BDP1: variants seen among roughly 807,000 people sequenced by gnomAD.
BDP1 encodes the protein transcription factor TFIIIB component B'' homolog.
Under a neutral mutation model 266.6 loss-of-function variants are expected in BDP1, and 169 were observed. That is an observed-to-expected ratio of 0.63 (90% CI 0.56 to 0.72). The LOEUF is 0.72. BDP1 is among the 30% of genes least tolerant of loss of function. The pLI is 0.00. For synonymous variants in BDP1, 1,090 were observed against 1,022.4 expected (o/e 1.07, Z -1.26); for missense variants, 3,015 against 3,053.8 (o/e 0.99, Z 0.30).
chr5:71,541,544 A>C lies in BDP1; in HGVS notation c.6113A>C (p.Glu2038Ala), dbSNP rs1766969740. The change falls in exon 29 of 39, where the codon GAA becomes GCA. Residue 2038 changes from glutamate (E) to alanine (A), a missense_variant. Physicochemically the swap from Glu to Ala is moderately radical, Grantham distance 107. Coordinates refer to ENST00000358731, the MANE Select transcript of BDP1 (RefSeq NM_018429.3). ...LDNVNHKIVH[E>A]CQELSSPVIT... ...AATGTAAATCACAAAATTGTTCATG[A>C]ATGTCAGGAACTTTCTTCACCTGTC... The C allele has an allele frequency of 6.2e-7, 1 of 1,612,234 alleles. No homozygotes were observed. Among genetic ancestry groups the C allele is most frequent in the Non-Finnish European group, 8.5e-7 (1 of 1,178,754 alleles).
chr5:71,489,739 A>G, intron 10 of BDP1, 57 bp downstream of exon 10: 12 of 1,451,802 alleles, frequency 8.3e-6, no homozygotes, highest in Non-Finnish European at 1.1e-5. Flanking sequence ...CATGTACAGT[A>G]ATATGGTATG....
intron 2 of BDP1, among the ~76,000 whole-genome samples, chr5:71,461,532 T>C (rs998494407): frequency 6.6e-6 from 1 of 152,044 alleles, no homozygotes; most frequent in African/African-American, 2.4e-5. Flanking sequence ...GAGGACTGCT[T>C]GAGCTCAGGA....
chr5:71,490,399 A>G lies in BDP1; in HGVS notation c.1493-585A>G, dbSNP rs575822410. 2.0e-5 allele frequency among the ~76,000 whole-genome samples: 3 copies of G among 152,278 alleles called. No homozygotes were observed. In the South Asian group the frequency reaches 6.2e-4, roughly 32 times the overall value. Reference sequence around the variant, plus strand: ...TTGGCTTATTGGAGTCATTACGTATAATGCAGAACAGCTTAATGATTCACA... The same window carrying G: ...TTGGCTTATTGGAGTCATTACGTATGATGCAGAACAGCTTAATGATTCACA... On this transcript the variant is annotated intron_variant, in intron 10 of 38. Transcript: ENST00000358731.
intron 25 of BDP1, among the ~76,000 whole-genome samples, chr5:71,526,694 T>G (rs1405109682): frequency 6.7e-6 from 1 of 150,270 alleles, no homozygotes; most frequent in Non-Finnish European, 1.5e-5. Context: ...TGTTTTTTTT[T>G]TTTTTTTTTT....
the BDP1 span, among the ~76,000 whole-genome samples, chr5:71,575,592 C>CAAA: frequency 6.6e-6 from 1 of 152,176 alleles, no homozygotes; most frequent in Non-Finnish European, 1.5e-5. Context: ...TTTACCATCT[C>CAAA]CAGCGGCTAT....
chr5:71,470,910 G>T (rs1259217345), intron 7 of BDP1, among the ~76,000 whole-genome samples: 1 of 149,456 alleles, frequency 6.7e-6, no homozygotes, highest in Non-Finnish European at 1.5e-5. Flanking sequence ...TTTTTAAACT[G>T]TTATGATGGT....
At chr5:71,562,226 A>AATTTT in intron 37 of BDP1, 48 bp from the exon 38 acceptor site, 39 of 981,610 alleles carry the variant, frequency 4.0e-5, no homozygotes, top group Non-Finnish European at 5.5e-5. Context: ...AAAAAAAAGA[A>AATTTT]TGTGTCTTCC....
downstream of BDP1, among the ~76,000 whole-genome samples, chr5:71,568,126 CAGA>C (rs1360119048): frequency 1.3e-5 from 2 of 152,166 alleles, no homozygotes; most frequent in Non-Finnish European, 1.5e-5. Flanking sequence ...GCCTGGATGA[CAGA>C]AGAAGACCCT....
chr5:71,553,168 T>C lies in BDP1; in HGVS notation c.7048T>C (p.Ser2350Pro). The change falls in exon 35 of 39, where the codon TCT (serine) becomes CCT (proline). Residue 2350 changes from serine (S) to proline (P), a missense_variant. By Grantham distance (74) the Ser-to-Pro change is moderately conservative. Around this residue, in one of 3 missense-constraint regions of BDP1, gnomAD observed 629 missense variants for 632.5 expected, o/e 0.99. Coordinates refer to ENST00000358731, the MANE Select transcript of BDP1 (RefSeq NM_018429.3). ...TCAAGATGCCATGGGTTTATCTATT[T>C]CTGGAAGAGATAATTCTAAAAAGCC... ...VGQDAMGLSI[S>P]GRDNSKKPPD... The C allele has an allele frequency of 6.2e-7, 1 of 1,613,266 alleles. No individual in the cohort carries two copies. Among genetic ancestry groups the C allele is most frequent in the African/African-American group, 1.3e-5 (1 of 75,026 alleles).
Position 71,486,544 on chromosome 5 carries a change from AAGAAG to A in BDP1, c.1135_1139del (p.Glu379LysfsTer7), listed in dbSNP as rs763504233. On this transcript the variant is annotated frameshift_variant, in exon 9 of 39. Transcript: ENST00000358731. LOFTEE classifies it high-confidence loss of function. ...CATTTGCTTCAGAAAGTTCTTGCTG[AAGAAG>A]AGAAAAGAAAACAAAAATCTGTTAA... is the stretch of plus-strand genomic sequence containing the variant. The A allele has an allele frequency of 1.9e-6, 3 of 1,541,690 alleles. No homozygotes were observed. Among genetic ancestry groups the A allele is most frequent in the Non-Finnish European group, 2.6e-6 (3 of 1,157,090 alleles).
intron 9 of BDP1, among the ~76,000 whole-genome samples, chr5:71,489,166 C>G (rs1381306021): frequency 2.0e-5 from 3 of 152,014 alleles, no homozygotes; most frequent in Non-Finnish European, 4.4e-5. Flanking sequence ...TTTTTAAATG[C>G]AACAATATGC....
chr5:71,457,437 T>C (rs1325764487), intron 1 of BDP1, among the ~76,000 whole-genome samples: 1 of 151,506 alleles, frequency 6.6e-6, no homozygotes, highest in East Asian at 1.9e-4. Context: ...TGTCTCAGGC[T>C]CCCAAGTATC....
At position 71,544,466 on chromosome 5, in the gene BDP1, C is replaced by T; in HGVS notation, c.6522C>T (p.Ile2174=). The stretch of plus-strand genomic sequence containing the variant: ...GCAAATTGGCATGTGTACATGGTAT[C>T]AAAGGGACCAGTATTTCTTCAGAAG... ...DQSKLACVHG[I]KGTSISSEVN... Residue 2174 remains isoleucine, a synonymous_variant, in exon 31 of 39, where the codon ATC becomes ATT. Coordinates refer to ENST00000358731, the MANE Select transcript of BDP1 (RefSeq NM_018429.3). The T allele has an allele frequency of 1.2e-6, 2 of 1,613,744 alleles. No homozygotes were observed. The highest frequency in any genetic ancestry group is 1.7e-6 in the Non-Finnish European group (2 of 1,179,862).
In BDP1 at chr5:71,455,788, C is replaced by T; in HGVS notation, c.-90C>T. On this transcript the variant is annotated 5_prime_UTR_variant, in exon 1 of 39. Coordinates refer to ENST00000358731, the MANE Select transcript of BDP1 (RefSeq NM_018429.3). ...TGGTGGTGTGGCTTTGTGGGGAGGGCGTAGTTCCTAATCCCCTTTCCGGGC... is the reference window on the plus strand; with the variant it reads ...TGGTGGTGTGGCTTTGTGGGGAGGGTGTAGTTCCTAATCCCCTTTCCGGGC... The T allele has an allele frequency of 9.2e-7, 1 of 1,091,432 alleles. No homozygotes were observed. Among genetic ancestry groups the T allele is most frequent in the Non-Finnish European group, 1.3e-6 (1 of 761,920 alleles). The allele number at this position is 1,091,432 out of a possible 1,614,324, so 67.6% of individuals were successfully genotyped here.
chr5:71,524,560 T>C (rs150219326), intron 25 of BDP1, among the ~76,000 whole-genome samples: 131 of 152,244 alleles, frequency 8.6e-4, no homozygotes, highest in African/African-American at 3.0e-3. Flanking sequence ...CTGCTTACAC[T>C]TGTACCTGGA....
intron 9 of BDP1, among the ~76,000 whole-genome samples, chr5:71,487,664 G>T (rs1297986378): frequency 6.6e-6 from 1 of 152,204 alleles, no homozygotes; most frequent in Non-Finnish European, 1.5e-5. Context: ...GAGAGCCTGT[G>T]TTGGGGGTCC....
Position 71,562,462 on chromosome 5 carries a change from T to C in BDP1, c.7685T>C (p.Leu2562Pro). ...AAAAATCGAGAGTCCTCTGATCTGC[T>C]TCCATCTCCAAGTGTTATTACTACT... ...QEKNRESSDL[L>P]PSPSVITTQS... Residue 2562 changes from leucine to proline, a missense_variant, in exon 38 of 39, where the codon CTT becomes CCT. By Grantham distance (98) the Leu-to-Pro change is moderately conservative. This residue lies in a region of BDP1 where 629 missense variants were observed against 632.5 expected (regional missense o/e 0.99). Transcript: ENST00000358731. The C allele has an allele frequency of 6.2e-7, 1 of 1,613,976 alleles. No individual in the cohort carries two copies. The highest frequency in any genetic ancestry group is 2.2e-5 in the East Asian group (1 of 44,856).
At chr5:71,504,418 A>G (rs954246892) in intron 15 of BDP1, among the ~76,000 whole-genome samples, 1 of 152,216 alleles carries the variant, frequency 6.6e-6, no homozygotes, top group Non-Finnish European at 1.5e-5. Context: ...GAGGAAAAGA[A>G]TGGGGCTTTG....
intron 32 of BDP1, among the ~76,000 whole-genome samples, chr5:71,548,230 G>A (rs1203885412): frequency 1.3e-5 from 2 of 152,002 alleles, no homozygotes; most frequent in African/African-American, 4.8e-5. Context: ...CGGAGGTTGT[G>A]GTGAGCTGAG....
Sources: gnomAD v4.1 joint callset for allele counts (sites outside exome capture counted in the v4.1 genomes callset) on GRCh38, gnomAD v4.1.1 for gene constraint, gnomAD v4.1.1 regional missense constraint, MANE v1.5 for transcripts, NCBI Gene and HGNC (gene_info 2026-07-23, HGNC 2026-07-21) for gene names.